The following UGT3A2 variants were observed in gnomAD, a reference collection of about 807,000 sequenced individuals.
UGT3A2 encodes UDP glycosyltransferase family 3 member A2.
UGT3A2 carries 32 observed loss-of-function variants against 39.8 expected under a neutral mutation model. That is an observed-to-expected ratio of 0.80 (90% CI 0.61 to 1.08). UGT3A2 has a LOEUF of 1.08. Among genes scored for constraint, UGT3A2 ranks in the 50% least tolerant of loss-of-function variants. UGT3A2 has a pLI of 0.00. For synonymous variants in UGT3A2, 241 were observed against 230.7 expected (o/e 1.04, Z -0.40); for missense variants, 611 against 637.1 (o/e 0.96, Z 0.44).
chr5:36,048,210 G>A lies in UGT3A2; in HGVS notation c.843+679C>T, dbSNP rs1369498721. Among the ~76,000 whole-genome samples the A allele has an allele frequency of 3.9e-5, 6 of 152,346 alleles. No individual in the cohort carries two copies. The South Asian group carries it at 1.0e-3, about 26-fold the overall frequency. On this transcript the variant is annotated intron_variant, in intron 4 of 6. Transcript: ENST00000282507. ...ATAACTTCTGTAAAATGGGAACCCA[G>A]TGCTCAGAGGCAACAGGCAGCCAAC...
At chr5:36,060,611 C>T (rs1016509771) in intron 2 of UGT3A2, among the ~76,000 whole-genome samples, 1 of 152,200 alleles carries the variant, frequency 6.6e-6, no homozygotes, top group Non-Finnish European at 1.5e-5. Context: ...CTTCCCCTGG[C>T]CCCTTTACAA....
At chr5:36,043,582 T>C (rs1270207435) in intron 4 of UGT3A2, among the ~76,000 whole-genome samples, 2 of 151,876 alleles carry the variant, frequency 1.3e-5, no homozygotes, top group African/African-American at 4.8e-5. Context: ...AATGAAAAGT[T>C]TGGTTTTGAA....
At chr5:36,058,974 CAG>C (rs1001638278) in intron 2 of UGT3A2, among the ~76,000 whole-genome samples, 11 of 151,984 alleles carry the variant, frequency 7.2e-5, no homozygotes, top group Non-Finnish European at 1.3e-4. Context: ...CAGGGACAAA[CAG>C]AGATAAGCAG....
chr5:36,036,503 T>TA (rs1741835927), intron 6 of UGT3A2, among the ~76,000 whole-genome samples: 1 of 152,228 alleles, frequency 6.6e-6, no homozygotes, highest in African/African-American at 2.4e-5. Context: ...GCTCCACACT[T>TA]TTATTTTACA....
intron 6 of UGT3A2, among the ~76,000 whole-genome samples, 197 bp from the exon 7 acceptor site, chr5:36,036,171 A>G (rs1400353806): frequency 6.6e-6 from 1 of 152,236 alleles, no homozygotes; most frequent in Non-Finnish European, 1.5e-5. Flanking sequence ...AAAAGTCTTA[A>G]ACTTAAAAAA....
chr5:36,046,574 T>C (rs1230872909), intron 4 of UGT3A2, among the ~76,000 whole-genome samples: 3 of 151,792 alleles, frequency 2.0e-5, no homozygotes, highest in Non-Finnish European at 2.9e-5. Flanking sequence ...ATTAAACTCA[T>C]GGAGATAGCA....
intron 2 of UGT3A2, among the ~76,000 whole-genome samples, chr5:36,052,756 A>C (rs1321574448): frequency 6.6e-6 from 1 of 152,090 alleles, no homozygotes; most frequent in Non-Finnish European, 1.5e-5. Context: ...AAAAAAAAAT[A>C]CCTCACCCTA....
At chr5:36,037,744 A>C in intron 6 of UGT3A2, 53 bp downstream of exon 6, 4 of 1,586,426 alleles carry the variant, frequency 2.5e-6, no homozygotes, top group Middle Eastern at 1.7e-4. Flanking sequence ...TAGTGCCCTT[A>C]GTGTTTTTGC....
At chr5:36,041,952 C>T (rs555238412) in intron 4 of UGT3A2, among the ~76,000 whole-genome samples, 29 of 152,128 alleles carry the variant, frequency 1.9e-4, no homozygotes, top group African/African-American at 7.0e-4. Context: ...AAAATGTGAC[C>T]TTTCAGACAC....
chr5:36,053,917 A>G (rs79289324), intron 2 of UGT3A2, among the ~76,000 whole-genome samples: 2,357 of 152,216 alleles, frequency 0.015, 54 homozygotes, highest in African/African-American at 0.054. Context: ...CTCTCCTACC[A>G]TCTTCTTTCC....
At chr5:36,037,702 A>G in intron 6 of UGT3A2, 95 bp downstream of exon 6, 1 of 1,374,400 alleles carries the variant, frequency 7.3e-7, no homozygotes, top group East Asian at 2.3e-5. Context: ...ATCTAAAGCA[A>G]AACAAAACAA....
At chr5:36,059,697 A>G (rs567116626) in intron 2 of UGT3A2, among the ~76,000 whole-genome samples, 1 of 152,288 alleles carries the variant, frequency 6.6e-6, no homozygotes, top group African/African-American at 2.4e-5. Flanking sequence ...GTTTCTTGTT[A>G]TCAGTGGAAT....
intron 4 of UGT3A2, among the ~76,000 whole-genome samples, chr5:36,041,953 T>C (rs1450916498): frequency 2.6e-5 from 4 of 152,020 alleles, no homozygotes; most frequent in Non-Finnish European, 5.9e-5. Context: ...AAATGTGACC[T>C]TTCAGACACG....
At chr5:36,057,106 G>A (rs1354128442) in intron 2 of UGT3A2, among the ~76,000 whole-genome samples, 1 of 152,222 alleles carries the variant, frequency 6.6e-6, no homozygotes, top group Non-Finnish European at 1.5e-5. Context: ...ATATTGATTG[G>A]TTGGAGCAGT....
chr5:36,046,446 C>G (rs1209193698), intron 4 of UGT3A2, among the ~76,000 whole-genome samples: 1 of 152,082 alleles, frequency 6.6e-6, no homozygotes, highest in East Asian at 1.9e-4. Context: ...ACAAAGGGAT[C>G]CTGTCATTTG....
intron 5 of UGT3A2, 46 bp downstream of exon 5, chr5:36,039,431 A>G: frequency 6.4e-7 from 1 of 1,570,636 alleles, no homozygotes; most frequent in Non-Finnish European, 8.8e-7. Flanking sequence ...ATGAGCCCCA[A>G]AGACAGGTCA....
chr5:36,066,286 T>C (rs1742875426), intron 1 of UGT3A2, among the ~76,000 whole-genome samples: 1 of 152,068 alleles, frequency 6.6e-6, no homozygotes, highest in South Asian at 2.1e-4. Flanking sequence ...CTGAAAACGC[T>C]CACCACTGTT....
At chr5:36,038,388 CTCTG>C (rs749978275) in intron 5 of UGT3A2, among the ~76,000 whole-genome samples, 21 of 152,184 alleles carry the variant, frequency 1.4e-4, no homozygotes, top group African/African-American at 4.8e-5. Context: ...TTTCTACCTC[CTCTG>C]TCTGCCTATA....
At chr5:36,046,651 C>T (rs565450091) in intron 4 of UGT3A2, among the ~76,000 whole-genome samples, 2 of 151,990 alleles carry the variant, frequency 1.3e-5, no homozygotes, top group South Asian at 4.2e-4. Context: ...GTTAATGGTA[C>T]GAAAATATAG....
Sources: gnomAD v4.1 joint callset for allele counts (sites outside exome capture counted in the v4.1 genomes callset) on GRCh38, gnomAD v4.1.1 for gene constraint, MANE v1.5 for transcripts, NCBI Gene and HGNC (gene_info 2026-07-23, HGNC 2026-07-21) for gene names.